Variants in TENM3 observed in about 807,000 individuals in gnomAD.
The protein encoded by TENM3 is teneurin transmembrane protein 3.
Under a neutral mutation model 255.1 loss-of-function variants are expected in TENM3, and 63 were observed. That is an observed-to-expected ratio of 0.25 (90% CI 0.20 to 0.30). The LOEUF (loss-of-function observed/expected upper bound fraction) is 0.30. Ranked by LOEUF, TENM3 falls within the 10% of genes least tolerant of loss-of-function variation. The pLI, the probability that TENM3 is intolerant of heterozygous loss-of-function variation, is 1.00. For synonymous variants in TENM3, 1,306 were observed against 1,322.3 expected, an observed-to-expected ratio of 0.99 and a Z score of 0.27; for missense variants, 2,929 against 3,461.1, an observed-to-expected ratio of 0.85 and a Z score of 3.86.
At chr4:181,837,688 C>A in the TENM3 span, among the ~76,000 whole-genome samples, 3 of 152,186 alleles carry the variant, frequency 2.0e-5, no homozygotes, top group Non-Finnish European at 4.4e-5. Flanking sequence ...CGCATAGGAG[C>A]AGATGATCAA....
chr4:182,567,189 TAGA>T (rs1251278274), intron 3 of TENM3, among the ~76,000 whole-genome samples: 2 of 152,186 alleles, frequency 1.3e-5, no homozygotes, highest in African/African-American at 2.4e-5. Context: ...TGGGATAACA[TAGA>T]AGATTTTTAG....
At chr4:181,676,989 C>CT in the TENM3 span, among the ~76,000 whole-genome samples, 96,639 of 137,614 alleles carry the variant, frequency 0.7, 34,166 homozygotes, top group Admixed American at 0.79. Context: ...CCGATTTTAT[C>CT]TTTTTTTTTT....
chr4:182,547,504 T>A (rs944884961), intron 3 of TENM3, among the ~76,000 whole-genome samples: 4 of 152,208 alleles, frequency 2.6e-5, no homozygotes, highest in Non-Finnish European at 5.9e-5. Flanking sequence ...TCATGTCAGC[T>A]TCTTCATCTG....
the TENM3 span, among the ~76,000 whole-genome samples, chr4:181,754,273 C>A: frequency 7.5e-6 from 1 of 133,700 alleles, no homozygotes; most frequent in African/African-American, 2.8e-5. Flanking sequence ...GCACTATGTT[C>A]TATATCCCAG....
the TENM3 span, among the ~76,000 whole-genome samples, chr4:181,783,783 A>T: frequency 1.3e-5 from 2 of 151,986 alleles, no homozygotes; most frequent in Non-Finnish European, 2.9e-5. Flanking sequence ...TACAGCCTTG[A>T]CCTCCTGAGC....
intron 3 of TENM3, among the ~76,000 whole-genome samples, chr4:182,529,197 T>C (rs1011211922): frequency 2.6e-5 from 4 of 152,176 alleles, no homozygotes; most frequent in South Asian, 4.1e-4. Context: ...AGTGCCATAA[T>C]TGAACCTGAA....
At chr4:181,513,594 C>A in the TENM3 span, among the ~76,000 whole-genome samples, 1 of 152,188 alleles carries the variant, frequency 6.6e-6, no homozygotes, top group Non-Finnish European at 1.5e-5. Flanking sequence ...AAGACGGGAA[C>A]AATAAGAGAA....
At chr4:181,762,314 A>T in the TENM3 span, among the ~76,000 whole-genome samples, 1 of 152,166 alleles carries the variant, frequency 6.6e-6, no homozygotes, top group Non-Finnish European at 1.5e-5. Flanking sequence ...CACAGGATAA[A>T]AGTTTGAATG....
At chr4:181,933,728 G>C in the TENM3 span, among the ~76,000 whole-genome samples, 1 of 152,246 alleles carries the variant, frequency 6.6e-6, no homozygotes, top group South Asian at 2.1e-4. Flanking sequence ...CTGTGGTTTA[G>C]TATCAGCAAC....
In TENM3 at chr4:182,335,494, C is replaced by CAAAAAAAAAA. The variant is rs372965020; in HGVS notation, c.233-11141_233-11132dup. 8.0e-4 allele frequency among the ~76,000 whole-genome samples: 42 copies of CAAAAAAAAAA among 52,392 alleles called. 1 individual carries two copies. The highest frequency in any genetic ancestry group is 2.8e-3 in the African/African-American group (41 of 14,582). The allele number at this position is 52,392 out of a possible 152,430, so 34.4% of individuals were successfully genotyped here. On this transcript the variant is annotated intron_variant, in intron 2 of 27. Coordinates refer to ENST00000511685, the MANE Select transcript of TENM3 (RefSeq NM_001080477.4). ...TGGGCGACAGAGCGAGACTCCGCCTCAAAAAAAAAAAAAAAAAAAAAAAAA... is the reference window on the plus strand; with the variant it reads ...TGGGCGACAGAGCGAGACTCCGCCTCAAAAAAAAAAAAAAAAAAAAAAAAAAAAAAAAAAA...
At chr4:182,029,347 G>T in the TENM3 span, among the ~76,000 whole-genome samples, 1 of 152,082 alleles carries the variant, frequency 6.6e-6, no homozygotes, top group Non-Finnish European at 1.5e-5. Flanking sequence ...ATTTGGGCAA[G>T]GACACACATC....
chr4:182,066,244 T>C, the TENM3 span, among the ~76,000 whole-genome samples: 2 of 151,988 alleles, frequency 1.3e-5, no homozygotes, highest in Admixed American at 1.3e-4. Flanking sequence ...TAACACCTGA[T>C]GACGTCAACC....
chr4:182,022,172 A>T, the TENM3 span, among the ~76,000 whole-genome samples: 27 of 28,274 alleles, frequency 9.5e-4, no homozygotes, highest in African/African-American at 3.9e-3. Context: ...GGATTGGATA[A>T]AAAAAAAAAA....
In TENM3 at chr4:182,585,593, C is replaced by G. The variant is rs971297177; in HGVS notation, c.512-15331C>G. On this transcript the variant is annotated intron_variant, in intron 3 of 27. Transcript: ENST00000511685. Reference sequence around the variant, plus strand: ...AAGAGAACTGTCACCAGAAACCAACCGACCCTGCCAGACCTTGATCTGTGA... The same window carrying G: ...AAGAGAACTGTCACCAGAAACCAACGGACCCTGCCAGACCTTGATCTGTGA... 5.3e-5 allele frequency among the ~76,000 whole-genome samples: 8 copies of G among 152,290 alleles called. 2 individuals carry two copies. The East Asian group carries it at 1.5e-3, about 29-fold the overall frequency.
At chr4:181,911,635 T>C in the TENM3 span, among the ~76,000 whole-genome samples, 1 of 152,168 alleles carries the variant, frequency 6.6e-6, no homozygotes, top group African/African-American at 2.4e-5. Context: ...GTCAGTGCAG[T>C]TATCTCTGGC....
chr4:182,656,232 G>A (rs1447569492), intron 6 of TENM3, among the ~76,000 whole-genome samples: 29 of 152,150 alleles, frequency 1.9e-4, no homozygotes, highest in Non-Finnish European at 4.4e-5. Context: ...CTGGACTAGG[G>A]GATTTGTAGG....
chr4:181,576,608 C>T, the TENM3 span, among the ~76,000 whole-genome samples: 1 of 152,086 alleles, frequency 6.6e-6, no homozygotes, highest in African/African-American at 2.4e-5. Flanking sequence ...TCCCCCCACA[C>T]ATTCTTTCCA....
At chr4:181,785,585 C>A in the TENM3 span, among the ~76,000 whole-genome samples, 1 of 152,160 alleles carries the variant, frequency 6.6e-6, no homozygotes, top group Non-Finnish European at 1.5e-5. Context: ...CTGAAACTTT[C>A]TGAGCACCAA....
At chr4:182,152,724 A>C (rs1750427393) in intron 1 of TENM3, among the ~76,000 whole-genome samples, 1 of 146,772 alleles carries the variant, frequency 6.8e-6, no homozygotes, top group Admixed American at 6.8e-5. Context: ...CTAAAGATAA[A>C]GTACTTTAAA....
Sources: allele counts gnomAD v4.1 joint callset (sites outside exome capture counted in the v4.1 genomes callset), GRCh38; gene constraint gnomAD v4.1.1; transcripts MANE v1.5; gene names NCBI Gene and HGNC (gene_info 2026-07-23, HGNC 2026-07-21).